Variants in MTUS1 observed in about 807,000 individuals in gnomAD.
The protein encoded by MTUS1 is microtubule associated scaffold protein 1.
A neutral mutation model predicts 120.8 loss-of-function variants in MTUS1; 109 were observed. The ratio of observed to expected loss-of-function variants is 0.90; its 90% CI spans 0.77 to 1.06. The LOEUF is 1.06. Ranked by LOEUF, MTUS1 falls within the 50% of genes least tolerant of loss-of-function variation. MTUS1 has a pLI of 0.00. For synonymous variants in MTUS1, 737 were observed against 550.5 expected (o/e 1.34, Z -4.74); for missense variants, 2,210 against 1,486.3 (o/e 1.49, Z -8.01).
intron 8 of MTUS1, among the ~76,000 whole-genome samples, chr8:17,661,933 T>G (rs920615023): frequency 6.6e-6 from 1 of 152,200 alleles, no homozygotes; most frequent in Non-Finnish European, 1.5e-5. Flanking sequence ...TGGCCTGGGC[T>G]GCGAAGGAAA....
Position 17,778,682 on chromosome 8 carries a change from G to A in MTUS1, c.-155+22379C>T, listed in dbSNP as rs538667095. Among the ~76,000 whole-genome samples the A allele has an allele frequency of 2.2e-4, 34 of 152,216 alleles. No individual in the cohort carries two copies. In the East Asian group the frequency reaches 4.6e-3, roughly 21 times the overall value. On this transcript the variant is annotated intron_variant, in intron 1 of 14. Transcript: ENST00000693296. ...AAATTAGCCAGGTGTGGTGGTGGGT[G>A]CCTGTAGTCCCAGCTACTTGGGAGG...
chr8:17,696,564 T>C (rs997348670), intron 6 of MTUS1, among the ~76,000 whole-genome samples: 14 of 152,326 alleles, frequency 9.2e-5, no homozygotes, highest in African/African-American at 3.4e-4. Flanking sequence ...AGTAGCAACA[T>C]AGGCCAACCC....
intron 3 of MTUS1, among the ~76,000 whole-genome samples, chr8:17,739,260 G>A (rs571758128): frequency 1.7e-4 from 26 of 152,222 alleles, no homozygotes; most frequent in African/African-American, 5.1e-4. Context: ...TTGGGAGGCC[G>A]AGGCGGGTGG....
chr8:17,653,393 T>G (rs1374531480), intron 11 of MTUS1, 32 bp downstream of exon 11: 1 of 1,543,452 alleles, frequency 6.5e-7, no homozygotes, highest in African/African-American at 1.4e-5. Context: ...TTTTTTTTTG[T>G]GGGGGATACT....
At chr8:17,653,525 G>C (rs906489002) in intron 10 of MTUS1, 27 bp from the exon 11 acceptor site, 6 of 1,523,614 alleles carry the variant, frequency 3.9e-6, no homozygotes, top group African/African-American at 1.4e-5. Context: ...ATATTTTTGA[G>C]GCAATAACAT....
At chr8:17,689,426 A>T (rs529118986) in intron 6 of MTUS1, among the ~76,000 whole-genome samples, 1 of 152,344 alleles carries the variant, frequency 6.6e-6, no homozygotes, top group South Asian at 2.1e-4. Flanking sequence ...GAGAATAGAA[A>T]GCATATTCAT....
At chr8:17,701,131 G>T (rs956173340) in intron 6 of MTUS1, among the ~76,000 whole-genome samples, 4 of 152,152 alleles carry the variant, frequency 2.6e-5, no homozygotes, top group Non-Finnish European at 4.4e-5. Context: ...GGAGATTCAA[G>T]CATCTCTATC....
chr8:17,682,443 G>A (rs888821938), intron 7 of MTUS1, among the ~76,000 whole-genome samples: 154 of 150,690 alleles, frequency 1.0e-3, no homozygotes, highest in African/African-American at 3.4e-3. Flanking sequence ...ACTTGAACCC[G>A]GGAGGTGGAG....
At chr8:17,652,306 C>CA (rs1807177999) in intron 12 of MTUS1, among the ~76,000 whole-genome samples, 1 of 152,084 alleles carries the variant, frequency 6.6e-6, no homozygotes, top group Admixed American at 6.6e-5. Context: ...ATTATTCATC[C>CA]ATAAAAAGAA....
intron 5 of MTUS1, among the ~76,000 whole-genome samples, chr8:17,714,850 G>A (rs1047082053): frequency 2.1e-5 from 3 of 144,484 alleles, no homozygotes; most frequent in East Asian, 2.1e-4. Flanking sequence ...ACAATTATTC[G>A]CTCAGGCTTT....
chr8:17,799,165 C>T lies in MTUS1; in HGVS notation c.-155+1896G>A, dbSNP rs186901898. ...AATATGTATGAGGAGATCTTCCAAC[C>T]ATCAACTGTATTTCAAGGGCACTAA... On this transcript the variant is annotated intron_variant, in intron 1 of 14. Transcript: ENST00000693296. Among the ~76,000 whole-genome samples the T allele has an allele frequency of 6.6e-4, 100 of 152,256 alleles. 1 individual carries two copies. Among genetic ancestry groups the T allele is most frequent in the Non-Finnish European group, 4.4e-5 (3 of 68,026 alleles).
chr8:17,754,100 G>C lies in MTUS1; in HGVS notation c.1708C>G (p.Leu570Val), dbSNP rs1341548012. Residue 570 changes from leucine to valine, a missense_variant, in exon 2 of 15, where the codon CTA becomes GTA. Leu to Val is a conservative substitution (Grantham distance 32, BLOSUM62 1). Coordinates refer to ENST00000693296, the MANE Select transcript of MTUS1 (RefSeq NM_001363059.2). ...TGCTGCTTATGTGTCTTGTTAATTA[G>C]AATTTCTGCTTTTTTGTCTGCATTC... ...DLNADKKAEI[L>V]INKTHKQQFN... is the part of the protein sequence containing the mutation. 5 of 1,613,880 alleles carry C rather than the reference G, an allele frequency of 3.1e-6. No individual in the cohort carries two copies. The highest frequency in any genetic ancestry group is 4.2e-6 in the Non-Finnish European group (5 of 1,180,002).
chr8:17,659,199 T>C lies in MTUS1; in HGVS notation c.2906-3134A>G, dbSNP rs1007863563. Among the ~76,000 whole-genome samples the C allele has an allele frequency of 2.6e-5, 4 of 152,034 alleles. No individual in the cohort carries two copies. The South Asian group carries it at 6.2e-4, about 24-fold the overall frequency. ...TGCACCCAAAGCCCGTGCCCCTTCT[T>C]TTCTACCAAGCTGTTTCTTGTGCTG... On this transcript the variant is annotated intron_variant, in intron 8 of 14. Coordinates refer to ENST00000693296, the MANE Select transcript of MTUS1 (RefSeq NM_001363059.2).
Position 17,753,877 on chromosome 8 carries a change from T to G in MTUS1, c.1931A>C (p.Lys644Thr), listed in dbSNP as rs373262842. 1.2e-5 allele frequency: 19 copies of G among 1,614,074 alleles called. No individual in the cohort carries two copies. Among genetic ancestry groups the G allele is most frequent in the Admixed American group, 1.7e-5 (1 of 60,002 alleles). Residue 644 changes from lysine (K) to threonine (T), a missense_variant, in exon 2 of 15, where the codon AAA becomes ACA. Lys to Thr is a moderately conservative substitution (Grantham distance 78, BLOSUM62 -1). Coordinates refer to ENST00000693296, the MANE Select transcript of MTUS1 (RefSeq NM_001363059.2). ...FQKIKGILPV[K>T]MESAECLEMT... The stretch of plus-strand genomic sequence containing the variant: ...TTCCAAACATTCTGCACTTTCCATT[T>G]TAACAGGGAGTATGCCTTTGATCTT...
intron 2 of MTUS1, among the ~76,000 whole-genome samples, chr8:17,747,916 T>C (rs2047894029): frequency 6.6e-6 from 1 of 152,124 alleles, no homozygotes; most frequent in Admixed American, 6.6e-5. Context: ...AGAGAGCTCA[T>C]GCAAGAAAAC....
chr8:17,744,756 G>C lies in MTUS1; in HGVS notation c.2092-957C>G, dbSNP rs530244135. 2.2e-3 allele frequency among the ~76,000 whole-genome samples: 326 copies of C among 145,200 alleles called. 1 individual carries two copies. Among genetic ancestry groups the C allele is most frequent in the African/African-American group, 8.1e-3 (315 of 39,014 alleles). On this transcript the variant is annotated intron_variant, in intron 2 of 14. Coordinates refer to ENST00000693296, the MANE Select transcript of MTUS1 (RefSeq NM_001363059.2). ...AGATGAGGTTTCGCCATGTTGGTCAGGCTGGTCTCAAACTCCACACTTCGT... is the reference window on the plus strand; with the variant it reads ...AGATGAGGTTTCGCCATGTTGGTCACGCTGGTCTCAAACTCCACACTTCGT...
chr8:17,737,783 G>A (rs936715851), intron 3 of MTUS1, among the ~76,000 whole-genome samples: 3 of 152,068 alleles, frequency 2.0e-5, no homozygotes, highest in South Asian at 2.1e-4. Context: ...CACCATGTCC[G>A]GCCTCAACTT....
At position 17,721,761 on chromosome 8, in the gene MTUS1, C is replaced by G. The variant is rs199529545; in HGVS notation, c.2449+1911G>C. On this transcript the variant is annotated intron_variant, in intron 4 of 14. Transcript: ENST00000693296. ...ACAAAGGAATTATACAAAGGCTGTA[C>G]GATCCCACGACCAGCAGTGTCAATA... 3.7e-6 allele frequency: 6 copies of G among 1,613,744 alleles called. No homozygotes were observed. In the African/African-American group the frequency reaches 4.0e-5, roughly 11 times the overall value.
intron 4 of MTUS1, chr8:17,721,684 G>C (rs770553966): frequency 6.5e-7 from 1 of 1,542,740 alleles, no homozygotes. Flanking sequence ...TGCTTACAAA[G>C]AAAAGAAACC....
Sources: gnomAD v4.1 joint callset for allele counts (sites outside exome capture counted in the v4.1 genomes callset) on GRCh38, gnomAD v4.1.1 for gene constraint, MANE v1.5 for transcripts, NCBI Gene and HGNC (gene_info 2026-07-23, HGNC 2026-07-21) for gene names.